STIM2: variants seen among roughly 807,000 people sequenced by gnomAD.
STIM2 encodes the protein stromal interaction molecule 2.
A neutral mutation model predicts 85.8 loss-of-function variants in STIM2; 31 were observed. That is an observed-to-expected ratio of 0.36 (90% confidence interval 0.27 to 0.49). The LOEUF (loss-of-function observed/expected upper bound fraction) is 0.49. STIM2 is among the 20% of genes least tolerant of loss of function. The pLI is 0.98. For synonymous variants in STIM2, 356 were observed against 331.1 expected (o/e 1.08, Z -0.82); for missense variants, 841 against 927.6 (o/e 0.91, Z 1.21).
Position 27,023,120 on chromosome 4 carries a change from G to A in STIM2, c.*124G>A, listed in dbSNP as rs918565480. ...TAACTCCATTGGGGCTTTCCAGGCCGGATGCCATAGTGGAACATCCAGAAG... is the reference window on the plus strand; with the variant it reads ...TAACTCCATTGGGGCTTTCCAGGCCAGATGCCATAGTGGAACATCCAGAAG... On this transcript the variant is annotated 3_prime_UTR_variant, in exon 12 of 12. Transcript: ENST00000467087. 9.9e-6 allele frequency: 9 copies of A among 905,768 alleles called. No individual in the cohort carries two copies. The highest frequency in any genetic ancestry group is 3.3e-5 in the African/African-American group (2 of 60,030). 56.1% of individuals were successfully genotyped at this position (905,768 alleles called of 1,614,324 possible).
At chr4:26,908,460 T>C (rs1266190299) in intron 1 of STIM2, among the ~76,000 whole-genome samples, 2 of 152,114 alleles carry the variant, frequency 1.3e-5, no homozygotes, top group Non-Finnish European at 1.5e-5. Flanking sequence ...GATAATCAAG[T>C]AAAGCACCCA....
At chr4:27,020,180 T>A (rs1330636379) in intron 11 of STIM2, among the ~76,000 whole-genome samples, 3 of 152,224 alleles carry the variant, frequency 2.0e-5, no homozygotes, top group East Asian at 3.8e-4. Flanking sequence ...GGCTAGTTTT[T>A]AAAATACTTT....
At chr4:26,997,917 TAGAG>T (rs1243522068) in intron 4 of STIM2, among the ~76,000 whole-genome samples, 7 of 152,334 alleles carry the variant, frequency 4.6e-5, no homozygotes, top group African/African-American at 1.7e-4. Context: ...TTTCCATACT[TAGAG>T]AGTACTGATA....
intron 3 of STIM2, among the ~76,000 whole-genome samples, chr4:26,970,975 G>T (rs1335888506): frequency 6.6e-6 from 1 of 152,162 alleles, no homozygotes; most frequent in African/African-American, 2.4e-5. Context: ...GTTTTAATTT[G>T]CATTTCTCTG....
rs193282908 is a variant in STIM2 at position 26,922,149 on chromosome 4, G to A, written c.282+2515G>A. Among the ~76,000 whole-genome samples the A allele has an allele frequency of 6.6e-5, 10 of 152,036 alleles. No individual in the cohort carries two copies. The East Asian group carries it at 1.5e-3, about 23-fold the overall frequency. On this transcript the variant is annotated intron_variant, in intron 2 of 11. Coordinates refer to ENST00000467087, the MANE Select transcript of STIM2 (RefSeq NM_020860.4). ...AACTAGTTGTCATTTATTGTGGGCC[G>A]TTTTATTAAAATGAGTGGATAATTC...
intron 1 of STIM2, among the ~76,000 whole-genome samples, chr4:26,881,924 A>T (rs1483993580): frequency 6.6e-6 from 1 of 152,254 alleles, no homozygotes; most frequent in African/African-American, 2.4e-5. Context: ...TATTAAGTTA[A>T]AAGATATGTA....
chr4:26,937,709 T>G (rs1236273952), intron 2 of STIM2, among the ~76,000 whole-genome samples: 2 of 152,162 alleles, frequency 1.3e-5, no homozygotes, highest in Non-Finnish European at 2.9e-5. Context: ...ACGAGGACTG[T>G]CCTAAGCAAA....
intron 1 of STIM2, among the ~76,000 whole-genome samples, chr4:26,868,710 G>C (rs1312298216): frequency 2.0e-5 from 3 of 151,792 alleles, no homozygotes; most frequent in African/African-American, 7.3e-5. Context: ...TCTGATGTTG[G>C]ATAACTAGAT....
chr4:26,954,751 C>A lies in STIM2; in HGVS notation c.283-2861C>A, dbSNP rs1380693683. ...TTTTAATGTGTTTGGTTCATTTAAACATTTTCTAAACAAAAATATTTCTAA... is the reference window on the plus strand; with the variant it reads ...TTTTAATGTGTTTGGTTCATTTAAAAATTTTCTAAACAAAAATATTTCTAA... On this transcript the variant is annotated intron_variant, in intron 2 of 11. Coordinates refer to ENST00000467087, the MANE Select transcript of STIM2 (RefSeq NM_020860.4). 2.7e-5 allele frequency among the ~76,000 whole-genome samples: 4 copies of A among 148,014 alleles called. 1 individual carries two copies. The highest frequency in any genetic ancestry group is 7.7e-5 in the African/African-American group (3 of 38,862).
chr4:27,000,141 C>T (rs1728100402), intron 5 of STIM2, among the ~76,000 whole-genome samples: 1 of 151,794 alleles, frequency 6.6e-6, no homozygotes, highest in Non-Finnish European at 1.5e-5. Context: ...AATGTTTATT[C>T]TCCCTGAATT....
At chr4:27,013,089 A>T (rs1451610541) in intron 10 of STIM2, among the ~76,000 whole-genome samples, 1 of 151,898 alleles carries the variant, frequency 6.6e-6, no homozygotes, top group Non-Finnish European at 1.5e-5. Context: ...TTTCTTCCTG[A>T]CACTATCTTA....
intron 1 of STIM2, 57 bp from the exon 2 acceptor site, chr4:26,919,446 TA>T (rs1350499801): frequency 6.2e-7 from 1 of 1,602,418 alleles, no homozygotes; most frequent in East Asian, 2.2e-5. Context: ...TTATACTCTC[TA>T]ACTATAGCCT....
chr4:27,019,432 T>G, intron 11 of STIM2: 11 of 1,289,820 alleles, frequency 8.5e-6, no homozygotes, highest in Non-Finnish European at 1.1e-5. Flanking sequence ...ATGCCTTTAC[T>G]GACAGAACTG....
chr4:26,896,683 ACCGG>A (rs1172175380), intron 1 of STIM2, among the ~76,000 whole-genome samples: 1 of 152,220 alleles, frequency 6.6e-6, no homozygotes, highest in African/African-American at 2.4e-5. Context: ...CATTATCAAA[ACCGG>A]GGAAAACTGA....
chr4:26,986,033 G>A (rs1727569730), intron 3 of STIM2, among the ~76,000 whole-genome samples: 1 of 152,224 alleles, frequency 6.6e-6, no homozygotes, highest in African/African-American at 2.4e-5. Flanking sequence ...AGATGGTTAA[G>A]AGTTGGCCTT....
intron 2 of STIM2, among the ~76,000 whole-genome samples, chr4:26,930,829 G>A (rs1273651344): frequency 1.3e-5 from 2 of 152,144 alleles, no homozygotes; most frequent in African/African-American, 4.8e-5. Context: ...TTTAACTTAT[G>A]TGTTAGTTTA....
chr4:26,933,998 AC>A (rs1361669483), intron 2 of STIM2, among the ~76,000 whole-genome samples: 1 of 152,036 alleles, frequency 6.6e-6, no homozygotes, highest in Non-Finnish European at 1.5e-5. Flanking sequence ...ATTTGAGACC[AC>A]CCTGGCCAAC....
At chr4:26,958,446 C>T (rs954403089) in intron 3 of STIM2, among the ~76,000 whole-genome samples, 16 of 151,934 alleles carry the variant, frequency 1.1e-4, no homozygotes, top group Admixed American at 3.3e-4. Context: ...AAAAATTAAA[C>T]GAAATTAAAG....
At chr4:26,945,087 C>T (rs1170589142) in intron 2 of STIM2, among the ~76,000 whole-genome samples, 2 of 152,288 alleles carry the variant, frequency 1.3e-5, no homozygotes, top group Non-Finnish European at 1.5e-5. Flanking sequence ...CTGATCCTCT[C>T]CCTCTTTTTA....
Sources: allele counts gnomAD v4.1 joint callset (sites outside exome capture counted in the v4.1 genomes callset), GRCh38; gene constraint gnomAD v4.1.1; transcripts MANE v1.5; gene names NCBI Gene and HGNC (gene_info 2026-07-23, HGNC 2026-07-21).